Variants in CNOT2 observed in about 807,000 individuals in gnomAD.
CNOT2 encodes CCR4-NOT transcription complex subunit 2.
A neutral mutation model predicts 72.1 loss-of-function variants in CNOT2; 7 were observed. That is an observed-to-expected ratio of 0.10 (90% CI 0.06 to 0.18). The LOEUF is 0.18. CNOT2 is among the 10% of genes least tolerant of loss of function. The probability of loss-of-function intolerance (pLI) is 1.00; values close to 1 mark genes in which losing one functional copy is unlikely to be tolerated. For missense variants in CNOT2, 345 were observed against 660.3 expected (o/e 0.52, Z 5.23); for synonymous variants, 196 against 225.6 (o/e 0.87, Z 1.17).
At chr12:70,285,091 C>T (rs1470763485) in intron 2 of CNOT2, among the ~76,000 whole-genome samples, 2 of 151,996 alleles carry the variant, frequency 1.3e-5, no homozygotes, top group Non-Finnish European at 2.9e-5. Flanking sequence ...AGTGGTTTGC[C>T]TTAATCATGA....
chr12:70,243,310 AC>A (rs1330209691), upstream of CNOT2: 1 of 152,438 alleles, frequency 6.6e-6, no homozygotes, highest in African/African-American at 2.4e-5. Flanking sequence ...CTGCCTACCC[AC>A]CCCATCGCTG....
intron 4 of CNOT2, chr12:70,321,647 T>C (rs1027819143): frequency 5.1e-4 from 77 of 151,862 alleles, no homozygotes; most frequent in Non-Finnish European, 1.6e-4. Context: ...TTCTGTTCAG[T>C]TGGCAAACTT....
chr12:70,302,292 T>C (rs1237741848), intron 2 of CNOT2, among the ~76,000 whole-genome samples: 4 of 152,110 alleles, frequency 2.6e-5, no homozygotes, highest in African/African-American at 9.6e-5. Context: ...TCTCTAGTTC[T>C]TTTAATTGTG....
At chr12:70,283,561 A>G (rs12313280) in intron 2 of CNOT2, among the ~76,000 whole-genome samples, 2,038 of 151,796 alleles carry the variant, frequency 0.013, 47 homozygotes, top group African/African-American at 0.046. Flanking sequence ...TCTGGTGCCC[A>G]GAGAAGAAAA....
intron 1 of CNOT2, among the ~76,000 whole-genome samples, chr12:70,259,077 C>T (rs180683057): frequency 2.6e-5 from 4 of 152,284 alleles, no homozygotes; most frequent in East Asian, 3.9e-4. Context: ...GAATTTTTCC[C>T]ATTTTACAGT....
At chr12:70,332,079 A>T (rs12229874) in intron 6 of CNOT2, among the ~76,000 whole-genome samples, 7,823 of 151,818 alleles carry the variant, frequency 0.052, 697 homozygotes, top group East Asian at 0.44. Flanking sequence ...GGGACACCAT[A>T]GACTGTGTTT....
rs755242670 is a variant in CNOT2, at chr12:70,330,325, A to C, written c.425A>C (p.His142Pro). The C allele has an allele frequency of 3.7e-6, 6 of 1,608,116 alleles. No homozygotes were observed. The highest frequency in any genetic ancestry group is 4.3e-6 in the Non-Finnish European group (5 of 1,175,904). ...ATGAATCCTAGGAATATGATGAACC[A>C]CTCCCAGGTTGGTCAGGGCATTGGA... ...LPMNPRNMMN[H>P]SQVGQGIGIP... is the part of the protein sequence containing the mutation. Residue 142 changes from histidine (H) to proline (P), a missense_variant, in exon 6 of 16, where the codon CAC becomes CCC. Physicochemically the swap from His to Pro is moderately conservative, Grantham distance 77 (BLOSUM62 -2). This residue lies in a region of CNOT2 where 157 missense variants were observed against 235.3 expected (regional missense o/e 0.67). Coordinates refer to ENST00000229195, the MANE Select transcript of CNOT2 (RefSeq NM_014515.7).
chr12:70,277,797 G>A (rs914529181), intron 1 of CNOT2, among the ~76,000 whole-genome samples: 2 of 152,054 alleles, frequency 1.3e-5, no homozygotes, highest in African/African-American at 4.8e-5. Flanking sequence ...GAAGATTCAT[G>A]TAAAAGAAAA....
chr12:70,270,618 G>A (rs1245085355), intron 1 of CNOT2, among the ~76,000 whole-genome samples: 1 of 152,022 alleles, frequency 6.6e-6, no homozygotes, highest in East Asian at 1.9e-4. Flanking sequence ...AATATATACA[G>A]AAATATGTTT....
At chr12:70,323,146 CA>C (rs996115261) in intron 4 of CNOT2, 29 of 151,690 alleles carry the variant, frequency 1.9e-4, no homozygotes, top group African/African-American at 7.0e-4. Context: ...TTAAAGTTGA[CA>C]AATACTTATG....
chr12:70,262,369 G>C (rs1266050048), intron 1 of CNOT2, among the ~76,000 whole-genome samples: 1 of 151,958 alleles, frequency 6.6e-6, no homozygotes, highest in Non-Finnish European at 1.5e-5. Context: ...CACCTCCCAG[G>C]TTCACGCCAT....
chr12:70,312,242 T>G (rs1876590754), intron 3 of CNOT2, among the ~76,000 whole-genome samples: 1 of 152,120 alleles, frequency 6.6e-6, no homozygotes, highest in South Asian at 2.1e-4. Context: ...AGGTTTCTAT[T>G]TAAGTATTGA....
intron 1 of CNOT2, among the ~76,000 whole-genome samples, chr12:70,251,538 T>C (rs1958143066): frequency 6.6e-6 from 1 of 151,862 alleles, no homozygotes; most frequent in African/African-American, 2.4e-5. Flanking sequence ...CCATTAACCA[T>C]TAGGAGGGGA....
chr12:70,276,327 TTAA>T (rs2135796845), intron 1 of CNOT2, among the ~76,000 whole-genome samples: 2 of 152,096 alleles, frequency 1.3e-5, no homozygotes, highest in African/African-American at 4.8e-5. Flanking sequence ...TTTGCTGACA[TTAA>T]TATAATTGGA....
chr12:70,268,752 C>T (rs1388342219), intron 1 of CNOT2, among the ~76,000 whole-genome samples: 1 of 152,086 alleles, frequency 6.6e-6, no homozygotes, highest in Non-Finnish European at 1.5e-5. Context: ...TGAGCCACCA[C>T]ACCTAGCCAG....
intron 11 of CNOT2, 54 bp downstream of exon 11, chr12:70,338,876 G>GT (rs1881062287): frequency 1.4e-6 from 2 of 1,426,912 alleles, no homozygotes; most frequent in African/African-American, 2.9e-5. Flanking sequence ...CAGACTTCCA[G>GT]TTTTTAATAT....
chr12:70,341,236 G>T (rs986591002), intron 11 of CNOT2, among the ~76,000 whole-genome samples: 1 of 152,046 alleles, frequency 6.6e-6, no homozygotes, highest in African/African-American at 2.4e-5. Context: ...ATTATTGTTT[G>T]TCCCCTAACC....
At chr12:70,348,546 A>G (rs571396421) in intron 15 of CNOT2, among the ~76,000 whole-genome samples, 3 of 152,304 alleles carry the variant, frequency 2.0e-5, no homozygotes, top group East Asian at 3.9e-4. Flanking sequence ...TCTCCATTCA[A>G]TTTGAACATT....
intron 1 of CNOT2, among the ~76,000 whole-genome samples, chr12:70,259,719 C>T (rs1444884575): frequency 6.6e-6 from 1 of 152,192 alleles, no homozygotes; most frequent in Non-Finnish European, 1.5e-5. Flanking sequence ...TAGTACTCTT[C>T]TAACTGGTGC....
Sources: gnomAD v4.1 joint callset for allele counts (sites outside exome capture counted in the v4.1 genomes callset) on GRCh38, gnomAD v4.1.1 for gene constraint, gnomAD v4.1.1 regional missense constraint, MANE v1.5 for transcripts, NCBI Gene and HGNC (gene_info 2026-07-23, HGNC 2026-07-21) for gene names.